Variants in TOP6BL observed in about 807,000 individuals in gnomAD.
TOP6BL encodes TOP6B like initiator of meiotic double strand breaks.
At chr11:66,761,329 C>T in the TOP6BL span, among the ~76,000 whole-genome samples, 4 of 151,794 alleles carry the variant, frequency 2.6e-5, no homozygotes. Flanking sequence ...CGAGATTGCG[C>T]CACTGCACAA....
At chr11:66,767,684 G>A in the TOP6BL span, among the ~76,000 whole-genome samples, 2 of 152,124 alleles carry the variant, frequency 1.3e-5, no homozygotes, top group African/African-American at 2.4e-5. Flanking sequence ...CTTGTAAACA[G>A]GGAGGACTGC....
the TOP6BL span, chr11:66,843,266 C>G: frequency 8.1e-6 from 13 of 1,603,652 alleles, no homozygotes; most frequent in Non-Finnish European, 1.0e-5. Context: ...GCCCACCGAT[C>G]CGGAGGCTGC....
the TOP6BL span, among the ~76,000 whole-genome samples, chr11:66,781,125 T>C: frequency 6.6e-6 from 1 of 152,190 alleles, no homozygotes; most frequent in Non-Finnish European, 1.5e-5. Flanking sequence ...GGTTTTTTGA[T>C]GTTTTTCTTG....
the TOP6BL span, chr11:66,800,830 C>T: frequency 1.1e-6 from 1 of 933,130 alleles, no homozygotes; most frequent in Non-Finnish European, 1.6e-6. Context: ...TTTTCTGACA[C>T]CCCCACATTT....
chr11:66,769,008 G>T, the TOP6BL span, among the ~76,000 whole-genome samples: 1 of 152,128 alleles, frequency 6.6e-6, no homozygotes, highest in Non-Finnish European at 1.5e-5. Flanking sequence ...ATTCCTCATT[G>T]AGTAATCAGC....
the TOP6BL span, chr11:66,796,175 A>G: frequency 1.2e-6 from 1 of 808,052 alleles, no homozygotes; most frequent in Non-Finnish European, 2.0e-6. Context: ...TTGTCCAAAA[A>G]GCTTTCTGAG....
chr11:66,748,273 T>G, the TOP6BL span: 1 of 899,868 alleles, frequency 1.1e-6, no homozygotes, highest in Non-Finnish European at 1.6e-6. Context: ...AAGAATACAA[T>G]TTTTGGGGGG....
At chr11:66,791,174 T>C in the TOP6BL span, among the ~76,000 whole-genome samples, 1 of 152,192 alleles carries the variant, frequency 6.6e-6, no homozygotes, top group Admixed American at 6.5e-5. Context: ...ATGGAAAAGC[T>C]ATAATAAATG....
the TOP6BL span, chr11:66,821,677 C>T: frequency 6.2e-7 from 1 of 1,611,626 alleles, no homozygotes; most frequent in Non-Finnish European, 8.5e-7. Context: ...ATCTCAATGC[C>T]ATCCTTGTGG....
chr11:66,822,382 A>T, the TOP6BL span, among the ~76,000 whole-genome samples: 2 of 152,280 alleles, frequency 1.3e-5, no homozygotes, highest in African/African-American at 4.8e-5. Flanking sequence ...ACATTTTAAA[A>T]TTTTATTTTA....
the TOP6BL span, chr11:66,788,181 G>A: frequency 6.2e-7 from 1 of 1,613,710 alleles, no homozygotes; most frequent in East Asian, 2.2e-5. Context: ...ATACTGCCCG[G>A]AATCTCTGCA....
chr11:66,745,233 C>A, the TOP6BL span, among the ~76,000 whole-genome samples: 3 of 146,432 alleles, frequency 2.0e-5, no homozygotes, highest in South Asian at 2.2e-4. Flanking sequence ...CGGAGCCCAG[C>A]GCCTTCCATG....
chr11:66,834,373 A>C, the TOP6BL span, among the ~76,000 whole-genome samples: 1 of 152,160 alleles, frequency 6.6e-6, no homozygotes, highest in African/African-American at 2.4e-5. Context: ...ATGATTCTCC[A>C]CTCAACATCC....
chr11:66,796,271 A>G, the TOP6BL span: 1 of 1,597,148 alleles, frequency 6.3e-7, no homozygotes, highest in Non-Finnish European at 8.6e-7. Context: ...TTTTTGTTGT[A>G]TTATTACAGG....
At chr11:66,842,835 TG>T in the TOP6BL span, 1 of 1,548,644 alleles carries the variant, frequency 6.5e-7, no homozygotes. Flanking sequence ...TGAAGAGGCT[TG>T]TTTTTCTCCT....
chr11:66,789,291 A>G, the TOP6BL span, among the ~76,000 whole-genome samples: 3 of 152,130 alleles, frequency 2.0e-5, no homozygotes, highest in Non-Finnish European at 4.4e-5. Flanking sequence ...TTATCGACTT[A>G]TTTGTAGTCC....
chr11:66,812,326 G>A, the TOP6BL span, among the ~76,000 whole-genome samples: 4 of 152,028 alleles, frequency 2.6e-5, no homozygotes, highest in African/African-American at 4.8e-5. Context: ...ACAGGCGCCC[G>A]CCACTACGCC....
chr11:66,843,389 C>T, the TOP6BL span: 6 of 1,427,238 alleles, frequency 4.2e-6, no homozygotes, highest in South Asian at 1.5e-5. Context: ...GGAGCCGCGC[C>T]GCGGCCTGAC....
the TOP6BL span, among the ~76,000 whole-genome samples, chr11:66,774,928 C>T: frequency 6.6e-6 from 1 of 151,626 alleles, no homozygotes; most frequent in Non-Finnish European, 1.5e-5. Flanking sequence ...GCCTGGCCAA[C>T]ATGGTGAAAC....
Sources: gnomAD v4.1 joint callset for allele counts (sites outside exome capture counted in the v4.1 genomes callset) on GRCh38, gnomAD v4.1.1 for gene constraint, MANE v1.5 for transcripts, NCBI Gene and HGNC (gene_info 2026-07-23, HGNC 2026-07-21) for gene names.